Variants in APP observed in about 807,000 individuals in gnomAD.
APP encodes amyloid-beta precursor protein.
A neutral mutation model predicts 101.4 loss-of-function variants in APP; 31 were observed. The ratio of observed to expected loss-of-function variants is 0.31; its 90% CI spans 0.23 to 0.41. APP has a LOEUF of 0.41. Ranked by LOEUF, APP falls within the 10% of genes least tolerant of loss-of-function variation. APP has a pLI of 1.00. For synonymous variants in APP, 366 were observed against 364.4 expected (o/e 1.00, Z -0.05); for missense variants, 839 against 1,003.7 (o/e 0.84, Z 2.22).
At chr21:26,059,488 G>T (rs549356314) in intron 3 of APP, among the ~76,000 whole-genome samples, 1 of 152,276 alleles carries the variant, frequency 6.6e-6, no homozygotes, top group South Asian at 2.1e-4. Context: ...CACCAGTATT[G>T]TTAGTAACTC....
chr21:25,999,118 T>C (rs904036672), intron 7 of APP, among the ~76,000 whole-genome samples: 2 of 151,998 alleles, frequency 1.3e-5, no homozygotes, highest in Non-Finnish European at 2.9e-5. Context: ...TGGTGAAGCC[T>C]TGTCTCTACC....
intron 5 of APP, among the ~76,000 whole-genome samples, chr21:26,039,548 G>A (rs1182388363): frequency 1.3e-5 from 2 of 152,078 alleles, no homozygotes; most frequent in Non-Finnish European, 2.9e-5. Context: ...AATACCCTTG[G>A]CAAATCTTTT....
In APP at chr21:25,900,032, C is replaced by T. The variant is rs932511634; in HGVS notation, c.1964-2359G>A. On this transcript the variant is annotated intron_variant, in intron 15 of 17. Transcript: ENST00000346798. ...TTCTCTATTCTTATTTATTTTCTTACTTTAATATTGTTAAGTATTTTTTGG... is the reference window on the plus strand; with the variant it reads ...TTCTCTATTCTTATTTATTTTCTTATTTTAATATTGTTAAGTATTTTTTGG... Among the ~76,000 whole-genome samples, 5 of 152,128 alleles carry T rather than the reference C, an allele frequency of 3.3e-5. No homozygotes were observed. The East Asian group carries it at 9.6e-4, about 29-fold the overall frequency.
intron 5 of APP, among the ~76,000 whole-genome samples, chr21:26,031,701 T>C (rs962068345): frequency 1.1e-4 from 16 of 152,164 alleles, no homozygotes; most frequent in Non-Finnish European, 1.8e-4. Flanking sequence ...ATCAATTACC[T>C]CCCCTGGGTC....
At chr21:26,133,644 C>A (rs577070943) in intron 1 of APP, among the ~76,000 whole-genome samples, 2 of 151,946 alleles carry the variant, frequency 1.3e-5, no homozygotes, top group East Asian at 3.9e-4. Context: ...AACTACAGCA[C>A]GCTTGTAATC....
chr21:26,040,854 TA>T (rs1481562635), intron 5 of APP, among the ~76,000 whole-genome samples: 6 of 152,178 alleles, frequency 3.9e-5, no homozygotes, highest in Admixed American at 2.0e-4. Context: ...TACAAAAATA[TA>T]TATTAAAAAT....
At chr21:26,131,437 ACACT>A (rs1309563877) in intron 1 of APP, among the ~76,000 whole-genome samples, 1 of 152,216 alleles carries the variant, frequency 6.6e-6, no homozygotes, top group African/African-American at 2.4e-5. Flanking sequence ...ATAGAGCAAT[ACACT>A]CAGTCAGTCA....
At chr21:25,915,396 A>T (rs961834291) in intron 13 of APP, among the ~76,000 whole-genome samples, 2 of 152,204 alleles carry the variant, frequency 1.3e-5, no homozygotes, top group African/African-American at 4.8e-5. Flanking sequence ...GAAAGGAACC[A>T]ATCTCTTCAA....
chr21:26,166,690 C>G (rs1037760822), intron 1 of APP, among the ~76,000 whole-genome samples: 2 of 152,102 alleles, frequency 1.3e-5, no homozygotes, highest in Admixed American at 6.5e-5. Flanking sequence ...AAAACACAAA[C>G]AGAAAATGTG....
intron 11 of APP, among the ~76,000 whole-genome samples, chr21:25,960,363 T>C (rs1277792070): frequency 1.3e-5 from 2 of 152,074 alleles, no homozygotes; most frequent in Non-Finnish European, 2.9e-5. Flanking sequence ...GTAAACTTGT[T>C]CTTGGAGGCC....
chr21:26,001,727 G>C (rs889554327), intron 6 of APP, among the ~76,000 whole-genome samples: 1 of 150,794 alleles, frequency 6.6e-6, no homozygotes, highest in Admixed American at 6.7e-5. Context: ...TTGAACTCCT[G>C]GCCTCAAGTG....
intron 2 of APP, among the ~76,000 whole-genome samples, chr21:26,107,047 G>C (rs1383551357): frequency 6.6e-6 from 1 of 152,200 alleles, no homozygotes; most frequent in Non-Finnish European, 1.5e-5. Context: ...AGACCCTGAG[G>C]GTGGCGGGGA....
At chr21:26,004,694 G>A (rs1193096446) in intron 6 of APP, among the ~76,000 whole-genome samples, 10 of 152,026 alleles carry the variant, frequency 6.6e-5, no homozygotes, top group African/African-American at 1.7e-4. Context: ...GGGTACATGT[G>A]CACAACGTGC....
At chr21:25,955,188 A>G (rs2041262787) in intron 12 of APP, among the ~76,000 whole-genome samples, 1 of 152,134 alleles carries the variant, frequency 6.6e-6, no homozygotes, top group South Asian at 2.1e-4. Flanking sequence ...ACATTTCCTA[A>G]GGTAGATCCC....
chr21:25,935,860 A>AAC (rs2040342439), intron 13 of APP, among the ~76,000 whole-genome samples: 1 of 150,636 alleles, frequency 6.6e-6, no homozygotes, highest in African/African-American at 2.5e-5. Context: ...AAAAAAAAAA[A>AAC]ACCTGTCAAA....
chr21:25,973,207 C>CA (rs558150133), intron 11 of APP, among the ~76,000 whole-genome samples: 186 of 151,212 alleles, frequency 1.2e-3, no homozygotes, highest in African/African-American at 4.2e-3. Flanking sequence ...ACAGACTGGA[C>CA]AAATAGCAAA....
rs561843967 is a variant in APP, at chr21:25,904,794, G to A, written c.1963+230C>T. ...CAAATTTGGAAGGGCTCTCTTTTAG[G>A]TTTCAAAGGGAAAGCTCAGAAACAA... On this transcript the variant is annotated intron_variant, in intron 15 of 17. Coordinates refer to ENST00000346798, the MANE Select transcript of APP (RefSeq NM_000484.4). 2.6e-5 allele frequency among the ~76,000 whole-genome samples: 4 copies of A among 152,002 alleles called. No individual in the cohort carries two copies. In the South Asian group the frequency reaches 8.3e-4, roughly 32 times the overall value.
chr21:25,970,002 GAGAA>G (rs886155336), intron 11 of APP, among the ~76,000 whole-genome samples: 3 of 126,034 alleles, frequency 2.4e-5, no homozygotes, highest in Non-Finnish European at 3.3e-5. Context: ...AAGAGAAACA[GAGAA>G]AGAGAGAGAG....
At chr21:26,149,668 T>C (rs1012106642) in intron 1 of APP, among the ~76,000 whole-genome samples, 3 of 152,252 alleles carry the variant, frequency 2.0e-5, no homozygotes, top group African/African-American at 4.8e-5. Context: ...AATTGCTGTA[T>C]ACTCTAAACG....
Sources: gnomAD v4.1 joint callset for allele counts (sites outside exome capture counted in the v4.1 genomes callset) on GRCh38, gnomAD v4.1.1 for gene constraint, MANE v1.5 for transcripts, NCBI Gene and HGNC (gene_info 2026-07-23, HGNC 2026-07-21) for gene names.